Variants in KAZN observed in about 807,000 individuals in gnomAD.
KAZN encodes kazrin, periplakin interacting protein.
KAZN carries 40 observed loss-of-function variants against 87.4 expected under a neutral mutation model. The observed-to-expected ratio is 0.46, with a 90% confidence interval of 0.36 to 0.60. KAZN has a LOEUF of 0.60. Among genes scored for constraint, KAZN ranks in the 20% least tolerant of loss-of-function variants. KAZN has a pLI of 0.00. For synonymous variants in KAZN, 466 were observed against 458.3 expected (o/e 1.02, Z -0.22); for missense variants, 898 against 1,073.9 (o/e 0.84, Z 2.29).
chr1:14,544,350 C>A, intron 2 of KAZN, among the ~76,000 whole-genome samples: 1 of 98,126 alleles, frequency 1.0e-5, no homozygotes, highest in African/African-American at 3.9e-5. Context: ...TTCTTTCTTT[C>A]TTTTTTTTTT....
chr1:14,419,982 C>T (rs948903432), intron 2 of KAZN, among the ~76,000 whole-genome samples: 19 of 152,290 alleles, frequency 1.2e-4, no homozygotes, highest in African/African-American at 3.6e-4. Context: ...CCACTCCCGG[C>T]TCCGGCAGCC....
At chr1:14,937,025 C>T (rs1660539223) in intron 1 of KAZN, among the ~76,000 whole-genome samples, 3 of 152,222 alleles carry the variant, frequency 2.0e-5, no homozygotes, top group Non-Finnish European at 4.4e-5. Flanking sequence ...GTCCACATCC[C>T]TCCCCATCCT....
chr1:14,603,258 C>A (rs1352643181), intron 1 of KAZN, among the ~76,000 whole-genome samples: 1 of 152,166 alleles, frequency 6.6e-6, no homozygotes, highest in Non-Finnish European at 1.5e-5. Flanking sequence ...TTTCAAATGG[C>A]AGAGAGGATG....
At chr1:14,998,096 C>A (rs1219709250) in intron 2 of KAZN, among the ~76,000 whole-genome samples, 1 of 151,954 alleles carries the variant, frequency 6.6e-6, no homozygotes, top group Non-Finnish European at 1.5e-5. Flanking sequence ...AGGCCTCGGA[C>A]ACTCTCCAGT....
intron 1 of KAZN, among the ~76,000 whole-genome samples, chr1:14,602,957 C>T (rs1677092971): frequency 6.6e-6 from 1 of 152,168 alleles, no homozygotes; most frequent in African/African-American, 2.4e-5. Context: ...GTTTCCTGTA[C>T]CTTTGTACAT....
chr1:14,291,095 C>T lies in KAZN; in HGVS notation c.249+110503C>T, dbSNP rs550711616. On this transcript the variant is annotated intron_variant, in intron 2 of 16. Transcript: ENST00000636203. The stretch of plus-strand genomic sequence containing the variant: ...GCACCTCCCTGTATGAGGTGTCAGT[C>T]GGCCCCTACTGGGAGATGCCTCCCT... Among the ~76,000 whole-genome samples the T allele has an allele frequency of 5.9e-5, 9 of 152,290 alleles. No homozygotes were observed. The South Asian group carries it at 1.0e-3, about 18-fold the overall frequency.
At chr1:14,623,408 G>A (rs1678866679) in intron 1 of KAZN, among the ~76,000 whole-genome samples, 2 of 152,312 alleles carry the variant, frequency 1.3e-5, no homozygotes, top group Middle Eastern at 3.4e-3. Context: ...ATAAGTGGGA[G>A]CGAAACATTG....
chr1:14,514,140 G>A (rs1020887434), intron 2 of KAZN, among the ~76,000 whole-genome samples: 1 of 146,886 alleles, frequency 6.8e-6, no homozygotes, highest in African/African-American at 2.5e-5. Flanking sequence ...CTAACACAGT[G>A]AAACCCCGTC....
chr1:14,356,942 G>T (rs1170283937), intron 2 of KAZN, among the ~76,000 whole-genome samples: 4 of 152,104 alleles, frequency 2.6e-5, no homozygotes, highest in Admixed American at 6.6e-5. Flanking sequence ...ATTTAGAGTA[G>T]TTTTTTCTAA....
At chr1:14,637,205 AG>A (rs1680057813) in intron 1 of KAZN, among the ~76,000 whole-genome samples, 1 of 152,096 alleles carries the variant, frequency 6.6e-6, no homozygotes, top group Non-Finnish European at 1.5e-5. Context: ...AGAAAGTGTA[AG>A]GGGTGATGTA....
intron 2 of KAZN, among the ~76,000 whole-genome samples, chr1:14,267,565 G>T (rs186518822): frequency 6.6e-6 from 1 of 152,220 alleles, no homozygotes; most frequent in Admixed American, 6.5e-5. Flanking sequence ...AGCATCCTTG[G>T]ATTTTAGTGT....
At chr1:14,227,317 A>C (rs12724109) in intron 2 of KAZN, among the ~76,000 whole-genome samples, 1 of 151,898 alleles carries the variant, frequency 6.6e-6, no homozygotes, top group Non-Finnish European at 1.5e-5. Context: ...GAAGGAGCAC[A>C]GTGAGAATGG....
At chr1:14,050,045 G>A (rs546574907) in intron 1 of KAZN, among the ~76,000 whole-genome samples, 86 of 151,456 alleles carry the variant, frequency 5.7e-4, no homozygotes, top group African/African-American at 2.0e-3. Context: ...GTGCACGTGT[G>A]TCTGTGTGGG....
intron 2 of KAZN, among the ~76,000 whole-genome samples, chr1:14,181,436 G>A (rs1298312154): frequency 6.6e-6 from 1 of 152,152 alleles, no homozygotes; most frequent in Non-Finnish European, 1.5e-5. Flanking sequence ...TTTGAACTGT[G>A]GTTTCTTTGC....
Position 14,872,093 on chromosome 1 carries a change from G to A in KAZN, c.227-88591G>A, listed in dbSNP as rs78234951. The stretch of plus-strand genomic sequence containing the variant: ...TCAGAAGCTGAATTAGGGTGCAAGC[G>A]TGTGGGCACCAGTCCCTTAAATTAC... On this transcript the variant is annotated intron_variant, in intron 1 of 14. Coordinates refer to ENST00000376030, the MANE Select transcript of KAZN (RefSeq NM_201628.3). Among the ~76,000 whole-genome samples, 27 of 152,308 alleles carry A rather than the reference G, an allele frequency of 1.8e-4. No homozygotes were observed. In the East Asian group the frequency reaches 4.4e-3, roughly 25 times the overall value.
chr1:14,467,507 G>A (rs970647500), intron 2 of KAZN, among the ~76,000 whole-genome samples: 15 of 151,844 alleles, frequency 9.9e-5, no homozygotes, highest in African/African-American at 3.6e-4. Flanking sequence ...ATGTAAATGG[G>A]TTAAACACTC....
intron 1 of KAZN, among the ~76,000 whole-genome samples, chr1:14,673,657 T>G (rs1369274678): frequency 3.9e-5 from 6 of 152,174 alleles, no homozygotes; most frequent in Non-Finnish European, 7.4e-5. Flanking sequence ...ATGCAGGCTG[T>G]GGAAACAGGG....
At chr1:15,071,378 A>G (rs900140803) in intron 8 of KAZN, among the ~76,000 whole-genome samples, 12 of 151,890 alleles carry the variant, frequency 7.9e-5, no homozygotes, top group Admixed American at 7.9e-4. Flanking sequence ...CAGCCTCCCT[A>G]GTAGCTGGGA....
At chr1:14,579,171 C>A (rs1047525600) in intron 2 of KAZN, among the ~76,000 whole-genome samples, 27 of 152,164 alleles carry the variant, frequency 1.8e-4, no homozygotes, top group African/African-American at 6.3e-4. Flanking sequence ...ACCCTTGGAA[C>A]TTATTTCTTG....
Sources: gnomAD v4.1 joint callset for allele counts (sites outside exome capture counted in the v4.1 genomes callset) on GRCh38, gnomAD v4.1.1 for gene constraint, MANE v1.5 for transcripts, NCBI Gene and HGNC (gene_info 2026-07-23, HGNC 2026-07-21) for gene names.